Variants in TASP1 observed in about 807,000 individuals in gnomAD.
TASP1 encodes the protein taspase 1, also known as threonine aspartase 1.
TASP1 carries 16 observed loss-of-function variants against 56.6 expected under a neutral mutation model. The ratio of observed to expected loss-of-function variants is 0.28; its 90% CI spans 0.19 to 0.43. The LOEUF (loss-of-function observed/expected upper bound fraction) is 0.43, where lower values mean the gene tolerates loss of function less well. Among genes scored for constraint, TASP1 ranks in the 20% least tolerant of loss-of-function variants. The probability of loss-of-function intolerance (pLI) is 1.00; values close to 1 mark genes in which losing one functional copy is unlikely to be tolerated. For synonymous variants in TASP1, 179 were observed against 184.2 expected (o/e 0.97, Z 0.23); for missense variants, 393 against 511.6 (o/e 0.77, Z 2.24).
intron 4 of TASP1, among the ~76,000 whole-genome samples, chr20:13,616,186 A>G (rs571023210): frequency 6.6e-6 from 1 of 152,328 alleles, no homozygotes; most frequent in East Asian, 1.9e-4. Flanking sequence ...ATAGGACTAG[A>G]AGACATTTTA....
downstream of TASP1, among the ~76,000 whole-genome samples, chr20:13,384,863 C>T (rs562403208): frequency 6.6e-6 from 1 of 152,262 alleles, no homozygotes; most frequent in South Asian, 2.1e-4. Context: ...GGCCAGCGTT[C>T]CTGGGAGGGG....
intron 8 of TASP1, among the ~76,000 whole-genome samples, chr20:13,546,888 T>A (rs1421371448): frequency 6.6e-6 from 1 of 152,240 alleles, no homozygotes; most frequent in Non-Finnish European, 1.5e-5. Flanking sequence ...ATACTTCAGA[T>A]AACCTATCCC....
intron 10 of TASP1, among the ~76,000 whole-genome samples, chr20:13,517,529 A>G (rs1290450784): frequency 6.6e-6 from 1 of 152,138 alleles, no homozygotes; most frequent in Non-Finnish European, 1.5e-5. Context: ...AAATATTAAT[A>G]GTGACTACCA....
Position 13,505,763 on chromosome 20 carries a change from T to C in TASP1, c.875-22426A>G, listed in dbSNP as rs371653836. Among the ~76,000 whole-genome samples the C allele has an allele frequency of 4.0e-5, 6 of 151,734 alleles. No homozygotes were observed. In the East Asian group the frequency reaches 1.2e-3, roughly 29 times the overall value. ...AAATGTATGTGTGCAGAAAAAGCAG[T>C]TCTAAAACAGAAGTTAACAGCAACA... On this transcript the variant is annotated intron_variant, in intron 10 of 13. Transcript: ENST00000337743.
chr20:13,567,801 A>G (rs547177684), intron 7 of TASP1, among the ~76,000 whole-genome samples: 1 of 152,232 alleles, frequency 6.6e-6, no homozygotes, highest in Non-Finnish European at 1.5e-5. Flanking sequence ...CATGAGATCC[A>G]GGAAACAGAG....
the TASP1 span, among the ~76,000 whole-genome samples, chr20:13,236,827 C>G: frequency 6.6e-6 from 1 of 152,256 alleles, no homozygotes; most frequent in East Asian, 1.9e-4. Context: ...CAAGGTGACA[C>G]TGATGCAAGA....
chr20:13,117,711 A>G, the TASP1 span: 84 of 1,611,202 alleles, frequency 5.2e-5, no homozygotes, highest in Non-Finnish European at 7.0e-5. Flanking sequence ...AGGAGGTTAC[A>G]TAGCTGGAAG....
chr20:13,269,377 T>C, the TASP1 span, among the ~76,000 whole-genome samples: 1 of 152,232 alleles, frequency 6.6e-6, no homozygotes, highest in Non-Finnish European at 1.5e-5. Flanking sequence ...AATGGTGACA[T>C]TTTTCACAGC....
chr20:13,265,479 C>A, the TASP1 span, among the ~76,000 whole-genome samples: 3 of 152,102 alleles, frequency 2.0e-5, no homozygotes, highest in Non-Finnish European at 4.4e-5. Context: ...GATCTGTGAG[C>A]AATGGGGGCC....
intron 11 of TASP1, among the ~76,000 whole-genome samples, chr20:13,441,948 A>G (rs1294951513): frequency 6.6e-6 from 1 of 152,190 alleles, no homozygotes; most frequent in African/African-American, 2.4e-5. Context: ...AACAACTGAA[A>G]AACCTGTAAT....
intron 12 of TASP1, among the ~76,000 whole-genome samples, chr20:13,424,305 G>A (rs563580267): frequency 6.6e-6 from 1 of 152,212 alleles, no homozygotes; most frequent in East Asian, 1.9e-4. Context: ...CGGTTACATA[G>A]AAAAATTTAA....
the TASP1 span, among the ~76,000 whole-genome samples, chr20:13,219,704 A>T: frequency 6.6e-6 from 1 of 152,164 alleles, no homozygotes; most frequent in Non-Finnish European, 1.5e-5. Context: ...TGCTTCAGGC[A>T]TCTTTAAGGA....
chr20:13,384,893 T>C (rs575637754), downstream of TASP1, among the ~76,000 whole-genome samples: 1 of 152,334 alleles, frequency 6.6e-6, no homozygotes, highest in African/African-American at 2.4e-5. Context: ...CCACCTCTGT[T>C]CCCTCTGAAG....
the TASP1 span, among the ~76,000 whole-genome samples, chr20:13,123,464 A>T: frequency 6.6e-6 from 1 of 152,066 alleles, no homozygotes; most frequent in African/African-American, 2.4e-5. Context: ...CTATGATCTA[A>T]TTTTTCAGAG....
the TASP1 span, among the ~76,000 whole-genome samples, chr20:13,333,640 G>C: frequency 6.6e-6 from 1 of 152,134 alleles, no homozygotes; most frequent in Non-Finnish European, 1.5e-5. Flanking sequence ...CCACAATGGG[G>C]TTGTTGTTCA....
At chr20:13,599,119 G>A (rs1187931953) in intron 4 of TASP1, among the ~76,000 whole-genome samples, 3 of 152,194 alleles carry the variant, frequency 2.0e-5, no homozygotes, top group Non-Finnish European at 4.4e-5. Flanking sequence ...AGACAATGTG[G>A]CAATTCCTCA....
At chr20:13,247,534 GTGTGT>G in the TASP1 span, among the ~76,000 whole-genome samples, 1 of 151,150 alleles carries the variant, frequency 6.6e-6, no homozygotes, top group Admixed American at 6.6e-5. Flanking sequence ...GTGTGTGTGT[GTGTGT>G]GTGTGTGTGT....
At chr20:13,305,195 T>C in the TASP1 span, among the ~76,000 whole-genome samples, 3 of 79,478 alleles carry the variant, frequency 3.8e-5, no homozygotes, top group Non-Finnish European at 5.4e-5. Flanking sequence ...TACCGTTGAG[T>C]TGTTAAAAAA....
the TASP1 span, among the ~76,000 whole-genome samples, chr20:13,224,441 CTG>C: frequency 6.6e-6 from 1 of 152,194 alleles, no homozygotes; most frequent in Non-Finnish European, 1.5e-5. Context: ...GAAGACAAAA[CTG>C]TGGACACTGT....
Sources: allele counts gnomAD v4.1 joint callset (sites outside exome capture counted in the v4.1 genomes callset), GRCh38; gene constraint gnomAD v4.1.1; transcripts MANE v1.5; gene names NCBI Gene and HGNC (gene_info 2026-07-23, HGNC 2026-07-21).